MFNG: variants seen among roughly 807,000 people sequenced by gnomAD.
MFNG encodes beta-1,3-N-acetylglucosaminyltransferase manic fringe.
Under a neutral mutation model 34.2 loss-of-function variants are expected in MFNG, and 24 were observed. The observed-to-expected ratio is 0.70, with a 90% CI of 0.51 to 0.99. The LOEUF (loss-of-function observed/expected upper bound fraction) is 0.99. Among genes scored for constraint, MFNG ranks in the 50% least tolerant of loss-of-function variants. The pLI, the probability that MFNG is intolerant of heterozygous loss-of-function variation, is 0.00. For synonymous variants in MFNG, 158 were observed against 179.2 expected, an observed-to-expected ratio of 0.88 and a Z score of 0.94; for missense variants, 383 against 424.0, an observed-to-expected ratio of 0.90 and a Z score of 0.85.
At chr22:37,475,362 T>C (rs1009436374) in intron 5 of MFNG, among the ~76,000 whole-genome samples, 5 of 152,194 alleles carry the variant, frequency 3.3e-5, no homozygotes, top group Admixed American at 6.5e-5. Context: ...TAGCTGGGAC[T>C]ACAGGCACCC....
In MFNG at chr22:37,482,011, C is replaced by A. The variant is rs547351387; in HGVS notation, c.256-1242G>T. Among the ~76,000 whole-genome samples, 9 of 152,194 alleles carry A rather than the reference C, an allele frequency of 5.9e-5. No individual in the cohort carries two copies. The highest frequency in any genetic ancestry group is 1.3e-4 in the Non-Finnish European group (9 of 68,040). Reference sequence around the variant, plus strand: ...TAAAACAAGATTGTGTGTAAAAGAGCAAGGAAGAGTTGACAGTGAAGTCAG... The same window carrying A: ...TAAAACAAGATTGTGTGTAAAAGAGAAAGGAAGAGTTGACAGTGAAGTCAG... On this transcript the variant is annotated intron_variant, in intron 1 of 7. Coordinates refer to ENST00000356998, the MANE Select transcript of MFNG (RefSeq NM_002405.4). This position sits in a 1 kb window ranked among gnomAD's most constrained non-coding sequence, Gnocchi z 4.1.
At chr22:37,484,599 A>AC (rs1473699288) in intron 1 of MFNG, 4 of 152,338 alleles carry the variant, frequency 2.6e-5, no homozygotes, top group African/African-American at 9.7e-5. Flanking sequence ...GGGCAAGGGC[A>AC]CCACCGCGGT....
At position 37,483,122 on chromosome 22, in the gene MFNG, T is replaced by C. The variant is rs1043854072; in HGVS notation, c.256-2353A>G. ...AAGACCTGCTCCTCCCTCTCACTGG[T>C]TGGGACCCAAAACCTCAGACTCCCC... On this transcript the variant is annotated intron_variant, in intron 1 of 7. Transcript: ENST00000356998. This position sits in a 1 kb window ranked among gnomAD's most constrained non-coding sequence, Gnocchi z 4.5. Among the ~76,000 whole-genome samples, 1 of 152,068 alleles carries C rather than the reference T, an allele frequency of 6.6e-6. No homozygotes were observed. Among genetic ancestry groups the C allele is most frequent in the African/African-American group, 2.4e-5 (1 of 41,410 alleles).
In MFNG at chr22:37,482,418, GTCTC is replaced by G. The variant is rs370538273; in HGVS notation, c.256-1653_256-1650del. ...GTCCACCCCTGGGGCTTCTCTCTCT[GTCTC>G]TCTCTCTCACACACACACACGCACA... On this transcript the variant is annotated intron_variant, in intron 1 of 7. Coordinates refer to ENST00000356998, the MANE Select transcript of MFNG (RefSeq NM_002405.4). This position sits in a 1 kb window ranked among gnomAD's most constrained non-coding sequence, Gnocchi z 4.1. 1.7e-4 allele frequency among the ~76,000 whole-genome samples: 26 copies of G among 150,842 alleles called. No individual in the cohort carries two copies. In the East Asian group the frequency reaches 2.7e-3, roughly 16 times the overall value.
intron 6 of MFNG, 197 bp from the exon 7 acceptor site, chr22:37,472,725 ATCCCATTTGC>A (rs1395656932): frequency 2.0e-6 from 1 of 507,160 alleles, no homozygotes. Context: ...CATGCCCTTA[ATCCCATTTGC>A]TCCCTCAAGA....
In MFNG at chr22:37,471,539, G is replaced by A. The variant is rs182073559; in HGVS notation, c.899+904C>T. On this transcript the variant is annotated intron_variant, in intron 7 of 7. Transcript: ENST00000356998. ...CCGCCACCCCTGGCCAGAATCACAA[G>A]CCATAGCTGGGCCGGGGGCAGCGGC... Among the ~76,000 whole-genome samples the A allele has an allele frequency of 4.2e-3, 635 of 152,130 alleles. 3 individuals are homozygous for A. The highest frequency in any genetic ancestry group is 0.014 in the Middle Eastern group (4 of 294).
At chr22:37,475,202 T>C (rs890682997) in intron 5 of MFNG, among the ~76,000 whole-genome samples, 1 of 152,004 alleles carries the variant, frequency 6.6e-6, no homozygotes, top group African/African-American at 2.4e-5. Context: ...GGCAGCTTTT[T>C]TGTGTGTTCA....
rs761281874 is a variant in MFNG at position 37,469,846 on chromosome 22, G to A, written c.*117C>T. 3.9e-5 allele frequency: 34 copies of A among 870,316 alleles called. No individual in the cohort carries two copies. The highest frequency in any genetic ancestry group is 6.0e-5 in the Admixed American group (3 of 49,996). The allele number at this position is 870,316 out of a possible 1,614,324, so 53.9% of individuals were successfully genotyped here. ...CAGATCCTGGGCTTGCCAACCACCC[G>A]AAGGCCCTGCCAGGGACTGCCTATC... On this transcript the variant is annotated 3_prime_UTR_variant, in exon 8 of 8. Coordinates refer to ENST00000356998, the MANE Select transcript of MFNG (RefSeq NM_002405.4).
intron 1 of MFNG, chr22:37,481,122 GCT>G (rs1922275037): frequency 3.4e-6 from 1 of 291,234 alleles, no homozygotes; most frequent in Admixed American, 4.8e-5. Flanking sequence ...GCTGCACTCG[GCT>G]CCTCCACAAT....
intron 6 of MFNG, 88 bp from the exon 7 acceptor site, chr22:37,472,616 T>G (rs1921862269): frequency 1.5e-6 from 2 of 1,297,558 alleles, no homozygotes; most frequent in Non-Finnish European, 1.1e-6. Flanking sequence ...AGGAGGGGTT[T>G]TAAGCTGCAG....
At chr22:37,473,967 G>A (rs564540712) in intron 6 of MFNG, among the ~76,000 whole-genome samples, 8 of 152,352 alleles carry the variant, frequency 5.3e-5, no homozygotes, top group African/African-American at 1.9e-4. Flanking sequence ...CACCTGCCAG[G>A]TGGTGGGATG....
rs117915921 is a variant in MFNG, at chr22:37,470,297, G to A, written c.900-268C>T. On this transcript the variant is annotated intron_variant, in intron 7 of 7. Transcript: ENST00000356998. Reference sequence around the variant, plus strand: ...AAAAATGTCTCCGACATTGCCAGACGTCCCCTAAGAGACAAATCACCCCCA... The same window carrying A: ...AAAAATGTCTCCGACATTGCCAGACATCCCCTAAGAGACAAATCACCCCCA... 9.0e-4 allele frequency among the ~76,000 whole-genome samples: 137 copies of A among 152,184 alleles called. No homozygotes were observed. In the East Asian group the frequency reaches 0.019, roughly 21 times the overall value.
At chr22:37,480,018 A>G (rs1050763580) in intron 3 of MFNG, among the ~76,000 whole-genome samples, 179 bp downstream of exon 3, 2 of 151,662 alleles carry the variant, frequency 1.3e-5, no homozygotes, top group African/African-American at 4.8e-5. Flanking sequence ...AAAAAAAGCC[A>G]TTTTCCCAAG....
Position 37,469,606 on chromosome 22 carries a change from C to G in MFNG, c.*357G>C. 1 of 377,786 alleles carries G rather than the reference C, an allele frequency of 2.6e-6. No individual in the cohort carries two copies. Among genetic ancestry groups the G allele is most frequent in the Non-Finnish European group, 5.1e-6 (1 of 194,800 alleles). The allele number at this position is 377,786 out of a possible 1,614,324, so 23.4% of individuals were successfully genotyped here. A position where few individuals can be genotyped will look rare whatever the true frequency, so the allele number is the denominator to read the frequency against. On this transcript the variant is annotated 3_prime_UTR_variant, in exon 8 of 8. Transcript: ENST00000356998. ...ACTGAGAGACATTAGCCAGGGCCAA[C>G]GGCCAGACCCCACCCAGAGGCCATG...
At chr22:37,472,958 G>A (rs1415163084) in intron 6 of MFNG, among the ~76,000 whole-genome samples, 2 of 152,128 alleles carry the variant, frequency 1.3e-5, no homozygotes, top group Admixed American at 6.6e-5. Flanking sequence ...CAGCTCAGAG[G>A]CTGTAGAGCA....
chr22:37,483,605 A>AC lies in MFNG; in HGVS notation c.255+2317dup, dbSNP rs1411655512. 2.0e-5 allele frequency among the ~76,000 whole-genome samples: 3 copies of AC among 151,398 alleles called. No individual in the cohort carries two copies. The highest frequency in any genetic ancestry group is 4.4e-5 in the Non-Finnish European group (3 of 67,912). On this transcript the variant is annotated intron_variant, in intron 1 of 7. Transcript: ENST00000356998. This position sits in a 1 kb window ranked among gnomAD's most constrained non-coding sequence, Gnocchi z 4.5. ...AGACCAGCCTGGCCAACATGGCAAAACCCCATCTCTACTAAAAATAGAAAA... is the reference window on the plus strand; with the variant it reads ...AGACCAGCCTGGCCAACATGGCAAAACCCCCATCTCTACTAAAAATAGAAAA...
At chr22:37,472,126 G>A (rs1364845687) in intron 7 of MFNG, among the ~76,000 whole-genome samples, 2 of 152,178 alleles carry the variant, frequency 1.3e-5, no homozygotes, top group Non-Finnish European at 2.9e-5. Flanking sequence ...TGTGCTCAGG[G>A]AAGGCATTTC....
At chr22:37,477,008 G>C in intron 4 of MFNG, 27 bp from the exon 5 acceptor site, 1 of 1,604,110 alleles carries the variant, frequency 6.2e-7, no homozygotes, top group South Asian at 1.1e-5. Context: ...CCAAGGGGCA[G>C]AGTGAGCCTG....
intron 4 of MFNG, among the ~76,000 whole-genome samples, chr22:37,477,418 G>A (rs1215478489): frequency 6.6e-6 from 1 of 152,082 alleles, no homozygotes; most frequent in Non-Finnish European, 1.5e-5. Flanking sequence ...GGGAAACAAA[G>A]GTCAGGCTGT....
Sources: gnomAD v4.1 joint callset for allele counts (sites outside exome capture counted in the v4.1 genomes callset) on GRCh38, gnomAD v4.1.1 for gene constraint, Gnocchi (gnomAD v3.1) non-coding constraint, MANE v1.5 for transcripts, NCBI Gene and HGNC (gene_info 2026-07-23, HGNC 2026-07-21) for gene names.